PRKRA: variants seen among roughly 807,000 people sequenced by gnomAD.
PRKRA encodes the protein interferon-inducible double-stranded RNA-dependent protein kinase activator A.
A neutral mutation model predicts 32.4 loss-of-function variants in PRKRA; 22 were observed. The ratio of observed to expected loss-of-function variants is 0.68; its 90% confidence interval spans 0.49 to 0.97. The LOEUF is 0.97. Ranked by LOEUF, PRKRA falls within the 50% of genes least tolerant of loss-of-function variation. The pLI, the probability that PRKRA is intolerant of heterozygous loss-of-function variation, is 0.00. For synonymous variants in PRKRA, 139 were observed against 129.8 expected (o/e 1.07, Z -0.48); for missense variants, 319 against 375.6 (o/e 0.85, Z 1.25).
At position 178,451,066 on chromosome 2, in the gene PRKRA, C is replaced by T. The variant is rs1400261542; in HGVS notation, c.-36G>A. 3 of 1,544,454 alleles carry T rather than the reference C, an allele frequency of 1.9e-6. No homozygotes were observed. Among genetic ancestry groups the T allele is most frequent in the Non-Finnish European group, 1.7e-6 (2 of 1,150,144 alleles). ...GACGGCTCAGCGGCTGGAGGAAGAGCGGTGCGGAGCGACGTGCTCGCTCCC... is the reference window on the plus strand; with the variant it reads ...GACGGCTCAGCGGCTGGAGGAAGAGTGGTGCGGAGCGACGTGCTCGCTCCC... On this transcript the variant is annotated 5_prime_UTR_variant, in exon 1 of 8. Coordinates refer to ENST00000325748, the MANE Select transcript of PRKRA (RefSeq NM_003690.5).
At chr2:178,437,179 T>G (rs867285003) in intron 6 of PRKRA, among the ~76,000 whole-genome samples, 13 of 152,078 alleles carry the variant, frequency 8.5e-5, no homozygotes, top group Non-Finnish European at 1.5e-4. Context: ...AAATAAAAAT[T>G]TACATTATAG....
chr2:178,451,064 A>G lies in PRKRA; in HGVS notation c.-34T>C, dbSNP rs1167886079. 1 of 1,544,750 alleles carries G rather than the reference A, an allele frequency of 6.5e-7. No individual in the cohort carries two copies. Among genetic ancestry groups the G allele is most frequent in the Admixed American group, 1.9e-5 (1 of 52,732 alleles). ...GGGACGGCTCAGCGGCTGGAGGAAG[A>G]GCGGTGCGGAGCGACGTGCTCGCTC... On this transcript the variant is annotated 5_prime_UTR_variant, in exon 1 of 8. Coordinates refer to ENST00000325748, the MANE Select transcript of PRKRA (RefSeq NM_003690.5).
At chr2:178,450,450 T>C (rs368860883) in intron 1 of PRKRA, 39 bp from the exon 2 acceptor site, 21 of 1,204,904 alleles carry the variant, frequency 1.7e-5, no homozygotes, top group South Asian at 4.7e-5. Context: ...GCATGCCAAA[T>C]TGGAGATTGA....
chr2:178,434,302 G>C (rs1696794695), intron 7 of PRKRA, among the ~76,000 whole-genome samples: 1 of 151,988 alleles, frequency 6.6e-6, no homozygotes, highest in South Asian at 2.1e-4. Flanking sequence ...GTAGAGACAG[G>C]GTTTCACCGT....
chr2:178,438,609 G>C (rs892286749), intron 6 of PRKRA, among the ~76,000 whole-genome samples: 1 of 151,664 alleles, frequency 6.6e-6, no homozygotes, highest in Non-Finnish European at 1.5e-5. Context: ...AGTTTTCTTG[G>C]CTATTCTTGA....
intron 3 of PRKRA, chr2:178,445,770 G>A (rs909565635): frequency 3.3e-5 from 5 of 153,666 alleles, no homozygotes; most frequent in Middle Eastern, 6.3e-4. Context: ...TTGCTCTGTC[G>A]CCCAGGCTGG....
rs3752689 is a variant in PRKRA, at chr2:178,447,886, T to C, written c.236-300A>G. ...ATTTCTACATTATATATGTTTATTATATAACATGGTAATAAAGTAGACCGT... is the reference window on the plus strand; with the variant it reads ...ATTTCTACATTATATATGTTTATTACATAACATGGTAATAAAGTAGACCGT... On this transcript the variant is annotated intron_variant, in intron 2 of 7. Transcript: ENST00000325748. 0.3 allele frequency among the ~76,000 whole-genome samples: 45,962 copies of C among 152,156 alleles called. 8,504 individuals carry two copies. Among genetic ancestry groups the C allele is most frequent in the East Asian group, 0.64 (3,338 of 5,182 alleles).
At chr2:178,450,828 G>A (rs1032113870) in intron 1 of PRKRA, 138 bp downstream of exon 1, 1 of 1,364,538 alleles carries the variant, frequency 7.3e-7, no homozygotes, top group South Asian at 1.7e-5. Context: ...AGAGGGCGGG[G>A]CCGAGCACCC....
intron 1 of PRKRA, 86 bp downstream of exon 1, chr2:178,450,880 A>G: frequency 1.6e-6 from 2 of 1,244,878 alleles, no homozygotes; most frequent in Non-Finnish European, 2.0e-6. Flanking sequence ...CTTTACCCAG[A>G]ATGCCTCTGG....
rs574414187 is a variant in PRKRA at position 178,450,635 on chromosome 2, T to C, written c.66-224A>G. On this transcript the variant is annotated intron_variant, in intron 1 of 7. Transcript: ENST00000325748. ...TGAGCGAGGTCTTTAGAGAGAGCAC[T>C]TGAATGCGGGTAGGAGAGATTCTCA... 18 of 1,448,418 alleles carry C rather than the reference T, an allele frequency of 1.2e-5. No homozygotes were observed. In the Admixed American group the frequency reaches 3.6e-4, roughly 29 times the overall value. 89.7% of individuals were successfully genotyped at this position (1,448,418 alleles called of 1,614,324 possible).
intron 6 of PRKRA, among the ~76,000 whole-genome samples, chr2:178,438,591 TC>T (rs927641021): frequency 2.0e-5 from 3 of 152,168 alleles, no homozygotes; most frequent in African/African-American, 7.2e-5. Flanking sequence ...TCCCAACTCT[TC>T]CTTTTCAGTT....
At chr2:178,442,815 ATAAT>A (rs1210599107) in intron 5 of PRKRA, among the ~76,000 whole-genome samples, 4 of 152,358 alleles carry the variant, frequency 2.6e-5, no homozygotes, top group African/African-American at 9.6e-5. Context: ...AGAAGTTGCT[ATAAT>A]TAAGAAAGAT....
At chr2:178,445,137 T>A (rs1290420686) in intron 3 of PRKRA, among the ~76,000 whole-genome samples, 1 of 152,218 alleles carries the variant, frequency 6.6e-6, no homozygotes, top group Non-Finnish European at 1.5e-5. Context: ...TTTACATGTA[T>A]CCTGCAGAAA....
At chr2:178,444,888 C>G (rs1429336415) in intron 3 of PRKRA, among the ~76,000 whole-genome samples, 2 of 152,206 alleles carry the variant, frequency 1.3e-5, no homozygotes, top group African/African-American at 4.8e-5. Flanking sequence ...GCCTATGTAT[C>G]ACTTACCTAC....
At chr2:178,436,078 T>G in intron 7 of PRKRA, 67 bp downstream of exon 7, 1 of 1,126,494 alleles carries the variant, frequency 8.9e-7, no homozygotes, top group Non-Finnish European at 1.2e-6. Flanking sequence ...CTCAAACACA[T>G]TTTTGTTCCT....
chr2:178,451,120 A>G lies in PRKRA; in HGVS notation c.-90T>C, dbSNP rs1201565290. 21 of 1,422,380 alleles carry G rather than the reference A, an allele frequency of 1.5e-5. No homozygotes were observed. Among genetic ancestry groups the G allele is most frequent in the Non-Finnish European group, 2.0e-5 (21 of 1,062,846 alleles). 88.1% of individuals were successfully genotyped at this position (1,422,380 alleles called of 1,614,324 possible). A position where few individuals can be genotyped will look rare whatever the true frequency, so the allele number is the denominator to read the frequency against. ...GTCGCTGGTCCCCGGGAGGAGCTCC[A>G]GCGCCGCCACCTCCTCCGACTCCCC... On this transcript the variant is annotated 5_prime_UTR_variant, in exon 1 of 8. Coordinates refer to ENST00000325748, the MANE Select transcript of PRKRA (RefSeq NM_003690.5).
chr2:178,441,582 TAAC>T, intron 6 of PRKRA, 25 bp downstream of exon 6: 1 of 721,972 alleles, frequency 1.4e-6, no homozygotes, highest in East Asian at 5.5e-5. Flanking sequence ...TTAATGACAT[TAAC>T]ATCATAGCTG....
intron 5 of PRKRA, 75 bp downstream of exon 5, chr2:178,443,192 A>G: frequency 1.2e-6 from 1 of 844,014 alleles, no homozygotes; most frequent in Non-Finnish European, 1.7e-6. Context: ...ATTTGAAAAC[A>G]TTACGACAGA....
At chr2:178,441,218 C>A (rs1445601694) in intron 6 of PRKRA, among the ~76,000 whole-genome samples, 1 of 152,192 alleles carries the variant, frequency 6.6e-6, no homozygotes, top group African/African-American at 2.4e-5. Context: ...GAGGCAGGGA[C>A]TGCTTATTCA....
Sources: gnomAD v4.1 joint callset for allele counts (sites outside exome capture counted in the v4.1 genomes callset) on GRCh38, gnomAD v4.1.1 for gene constraint, MANE v1.5 for transcripts, NCBI Gene and HGNC (gene_info 2026-07-23, HGNC 2026-07-21) for gene names.